Variants in AGAP1 observed in about 807,000 individuals in gnomAD.
AGAP1 encodes the protein arf-GAP with GTPase, ANK repeat and PH domain-containing protein 1.
AGAP1 carries 29 observed loss-of-function variants against 105.3 expected under a neutral mutation model. That is an observed-to-expected ratio of 0.28 (90% CI 0.21 to 0.38). The LOEUF is 0.38. AGAP1 is among the 10% of genes least tolerant of loss of function. The pLI is 1.00. For missense variants in AGAP1, 998 were observed against 1,165.1 expected (o/e 0.86, Z 2.09); for synonymous variants, 509 against 485.9 (o/e 1.05, Z -0.63).
intron 13 of AGAP1, among the ~76,000 whole-genome samples, chr2:235,998,989 G>A (rs1485929955): frequency 1.3e-5 from 2 of 151,358 alleles, no homozygotes; most frequent in East Asian, 1.9e-4. Flanking sequence ...CGGGGTAGTG[G>A]TGGTGATTGT....
At position 235,989,832 on chromosome 2, in the gene AGAP1, G is replaced by A. The variant is rs1240218807; in HGVS notation, c.1645+21209G>A. On this transcript the variant is annotated intron_variant, in intron 13 of 17. Coordinates refer to ENST00000304032, the MANE Select transcript of AGAP1 (RefSeq NM_001037131.3). The surrounding 1 kb of genome is among the most constrained non-coding windows in gnomAD (Gnocchi z 4.4). ...CAGCAGCAGCTCACAGGGAGGGACAGCCTCGGAAGAGGAAATCCATGCGTC... is the reference window on the plus strand; with the variant it reads ...CAGCAGCAGCTCACAGGGAGGGACAACCTCGGAAGAGGAAATCCATGCGTC... Among the ~76,000 whole-genome samples the A allele has an allele frequency of 6.6e-6, 1 of 152,202 alleles. No individual in the cohort carries two copies. Among genetic ancestry groups the A allele is most frequent in the African/African-American group, 2.4e-5 (1 of 41,452 alleles).
intron 12 of AGAP1, among the ~76,000 whole-genome samples, chr2:235,940,804 G>T (rs2053225137): frequency 6.6e-6 from 1 of 152,170 alleles, no homozygotes; most frequent in South Asian, 2.1e-4. Flanking sequence ...CCACCACAGA[G>T]AGGGGCTTCA....
chr2:235,910,286 G>GGGCAGTCACTGAGCTGGTTGCTTCC, intron 11 of AGAP1, among the ~76,000 whole-genome samples: 1 of 7,686 alleles, frequency 1.3e-4, no homozygotes, highest in Non-Finnish European at 2.2e-4. Context: ...TGCCTGTGTT[G>GGGCAGTCACTGAGCTGGTTGCTTCC]CAGGGGGGCG....
At chr2:235,938,658 T>C (rs189964668) in intron 12 of AGAP1, among the ~76,000 whole-genome samples, 25 of 152,320 alleles carry the variant, frequency 1.6e-4, no homozygotes, top group African/African-American at 6.0e-4. Flanking sequence ...AAGACTTACA[T>C]TCTGCACTAA....
In AGAP1 at chr2:235,689,475, T is replaced by C. The variant is rs1341065926; in HGVS notation, c.164-19704T>C. ...TTTGACTGCAGAGAGGCAGGCAGAA[T>C]AGCTTGTCCAGGAAAATAATAGTGC... On this transcript the variant is annotated intron_variant, in intron 1 of 17. Coordinates refer to ENST00000304032, the MANE Select transcript of AGAP1 (RefSeq NM_001037131.3). This position sits in a 1 kb window ranked among gnomAD's most constrained non-coding sequence, Gnocchi z 4.2. Among the ~76,000 whole-genome samples the C allele has an allele frequency of 6.6e-6, 1 of 152,246 alleles. No individual in the cohort carries two copies. The highest frequency in any genetic ancestry group is 1.5e-5 in the Non-Finnish European group (1 of 68,042).
rs367738536 is a variant in AGAP1 at position 235,610,702 on chromosome 2, C to T, written c.164-98477C>T. ...TCCGCACACATCCACATTGCAGACC[C>T]GCCATCCTCAAACGCACTGTGCTCC... On this transcript the variant is annotated intron_variant, in intron 1 of 17. Transcript: ENST00000304032. The surrounding 1 kb of genome is among the most constrained non-coding windows in gnomAD (Gnocchi z 4.9). Among the ~76,000 whole-genome samples, 6 of 152,120 alleles carry T rather than the reference C, an allele frequency of 3.9e-5. No homozygotes were observed. The East Asian group carries it at 5.8e-4, about 15-fold the overall frequency.
In AGAP1 at chr2:235,973,187, G is replaced by C. The variant is rs2054724688; in HGVS notation, c.1645+4564G>C. 1.3e-5 allele frequency among the ~76,000 whole-genome samples: 2 copies of C among 152,142 alleles called. No homozygotes were observed. Among genetic ancestry groups the C allele is most frequent in the Admixed American group, 1.3e-4 (2 of 15,288 alleles). ...TGCCCTGGAGTTTCTCCCTGCGCAGGTGCTCGCTGTGCTCTTTTTGCTGAA... is the reference window on the plus strand; with the variant it reads ...TGCCCTGGAGTTTCTCCCTGCGCAGCTGCTCGCTGTGCTCTTTTTGCTGAA... On this transcript the variant is annotated intron_variant, in intron 13 of 17. Coordinates refer to ENST00000304032, the MANE Select transcript of AGAP1 (RefSeq NM_001037131.3). The surrounding 1 kb of genome is among the most constrained non-coding windows in gnomAD (Gnocchi z 4.7).
At position 235,692,540 on chromosome 2, in the gene AGAP1, G is replaced by A. The variant is rs6729585; in HGVS notation, c.164-16639G>A. On this transcript the variant is annotated intron_variant, in intron 1 of 17. Coordinates refer to ENST00000304032, the MANE Select transcript of AGAP1 (RefSeq NM_001037131.3). The surrounding 1 kb of genome is among the most constrained non-coding windows in gnomAD (Gnocchi z 5.8). Reference sequence around the variant, plus strand: ...CAGCCCCAGCATCAAACCATACTTCGCCCTGCTGCCCCTATGCTCTCCCCC... The same window carrying A: ...CAGCCCCAGCATCAAACCATACTTCACCCTGCTGCCCCTATGCTCTCCCCC... Among the ~76,000 whole-genome samples the A allele has an allele frequency of 0.2, 30,046 of 151,628 alleles. 3,335 individuals carry two copies. Among genetic ancestry groups the A allele is most frequent in the Admixed American group, 0.34 (5,199 of 15,242 alleles).
chr2:235,640,628 C>CA, intron 1 of AGAP1, among the ~76,000 whole-genome samples: 1 of 152,166 alleles, frequency 6.6e-6, no homozygotes, highest in East Asian at 1.9e-4. Context: ...GCAGGAAAAA[C>CA]CATGAATGGG....
rs2056135400 is a variant in AGAP1, at chr2:236,001,849, C to CT, written c.1645+33227dup. Reference sequence around the variant, plus strand: ...TCTCTAATAGGTTATGCCAGCCCCTCTCGTTGGGCATTGAAATTGCCTCAG... The same window carrying CT: ...TCTCTAATAGGTTATGCCAGCCCCTCTTCGTTGGGCATTGAAATTGCCTCAG... On this transcript the variant is annotated intron_variant, in intron 13 of 17. Transcript: ENST00000304032. The surrounding 1 kb of genome is among the most constrained non-coding windows in gnomAD (Gnocchi z 4.7). Among the ~76,000 whole-genome samples, 1 of 152,246 alleles carries CT rather than the reference C, an allele frequency of 6.6e-6. No homozygotes were observed. The highest frequency in any genetic ancestry group is 6.5e-5 in the Admixed American group (1 of 15,290).
rs1476634065 is a variant in AGAP1, at chr2:236,083,654, T to C, written c.2114+34373T>C. On this transcript the variant is annotated intron_variant, in intron 16 of 17. Coordinates refer to ENST00000304032, the MANE Select transcript of AGAP1 (RefSeq NM_001037131.3). The surrounding 1 kb of genome is among the most constrained non-coding windows in gnomAD (Gnocchi z 5.3). ...ATGATCATTCTTAAATAGTTTATTG[T>C]CTTATAATAATGTGGGCTTTTTTGT... 6.6e-6 allele frequency among the ~76,000 whole-genome samples: 1 copy of C among 152,212 alleles called. No homozygotes were observed. The highest frequency in any genetic ancestry group is 2.4e-5 in the African/African-American group (1 of 41,454).
intron 1 of AGAP1, among the ~76,000 whole-genome samples, chr2:235,541,738 C>T (rs1943449170): frequency 6.6e-6 from 1 of 152,166 alleles, no homozygotes; most frequent in South Asian, 2.1e-4. Context: ...ATCTGAATCT[C>T]TATCTCATTA....
intron 9 of AGAP1, among the ~76,000 whole-genome samples, chr2:235,880,581 A>AG (rs1451453516): frequency 6.6e-6 from 1 of 151,634 alleles, no homozygotes; most frequent in Non-Finnish European, 1.5e-5. Flanking sequence ...AAATACAAAA[A>AG]AAAAAAAAAT....
intron 15 of AGAP1, 131 bp from the exon 16 acceptor site, chr2:236,048,928 A>G: frequency 1.2e-6 from 1 of 846,308 alleles, no homozygotes; most frequent in Non-Finnish European, 1.9e-6. Context: ...GCTAGGGAGC[A>G]TTTTTTCTCG....
chr2:235,678,124 C>A (rs1948857060), intron 1 of AGAP1, among the ~76,000 whole-genome samples: 1 of 152,066 alleles, frequency 6.6e-6, no homozygotes, highest in African/African-American at 2.4e-5. Flanking sequence ...CCTCTGGTGC[C>A]AATGCAGCTC....
chr2:235,945,131 C>A (rs933220126), intron 12 of AGAP1, among the ~76,000 whole-genome samples: 1 of 152,156 alleles, frequency 6.6e-6, no homozygotes, highest in African/African-American at 2.4e-5. Context: ...GACGGAGTCT[C>A]GCTCTTTTGC....
At chr2:235,516,628 G>T (rs561805456) in intron 1 of AGAP1, among the ~76,000 whole-genome samples, 1 of 152,096 alleles carries the variant, frequency 6.6e-6, no homozygotes, top group African/African-American at 2.4e-5. Flanking sequence ...TCTGGGACCC[G>T]GCAGGAATGT....
Position 235,744,285 on chromosome 2 carries a change from T to G in AGAP1, c.397-413T>G, listed in dbSNP as rs894645519. ...GCATGAGGGGTCCAGCAAGGCTTCCTTAAGAGGTTGAGAGTACAGTGGAAA... is the reference window on the plus strand; with the variant it reads ...GCATGAGGGGTCCAGCAAGGCTTCCGTAAGAGGTTGAGAGTACAGTGGAAA... On this transcript the variant is annotated intron_variant, in intron 4 of 17. Coordinates refer to ENST00000304032, the MANE Select transcript of AGAP1 (RefSeq NM_001037131.3). This position sits in a 1 kb window ranked among gnomAD's most constrained non-coding sequence, Gnocchi z 5.2. Among the ~76,000 whole-genome samples, 1 of 152,112 alleles carries G rather than the reference T, an allele frequency of 6.6e-6. No homozygotes were observed. Among genetic ancestry groups the G allele is most frequent in the Non-Finnish European group, 1.5e-5 (1 of 68,016 alleles).
chr2:235,993,685 G>A lies in AGAP1; in HGVS notation c.1645+25062G>A, dbSNP rs2055669830. On this transcript the variant is annotated intron_variant, in intron 13 of 17. Coordinates refer to ENST00000304032, the MANE Select transcript of AGAP1 (RefSeq NM_001037131.3). The surrounding 1 kb of genome is among the most constrained non-coding windows in gnomAD (Gnocchi z 5.0). ...TTTGCTGCCCAATACCAAATTAAGG[G>A]CTCTGAGGAACGCTTCCTTTGAAAA... Among the ~76,000 whole-genome samples, 1 of 152,122 alleles carries A rather than the reference G, an allele frequency of 6.6e-6. No homozygotes were observed. Among genetic ancestry groups the A allele is most frequent in the Admixed American group, 6.5e-5 (1 of 15,268 alleles).
Sources: allele counts gnomAD v4.1 joint callset (sites outside exome capture counted in the v4.1 genomes callset), GRCh38; gene constraint gnomAD v4.1.1; non-coding constraint Gnocchi (gnomAD v3.1); transcripts MANE v1.5; gene names NCBI Gene and HGNC (gene_info 2026-07-23, HGNC 2026-07-21).